Variants in CRYL1 observed in about 807,000 individuals in gnomAD.
The protein encoded by CRYL1 is lambda-crystallin homolog.
A neutral mutation model predicts 36.6 loss-of-function variants in CRYL1; 29 were observed. That is an observed-to-expected ratio of 0.79 (90% CI 0.59 to 1.08). The LOEUF is 1.08. CRYL1 is among the 50% of genes least tolerant of loss of function. CRYL1 has a pLI of 0.00. For missense variants in CRYL1, 411 were observed against 407.9 expected (o/e 1.01, Z -0.06); for synonymous variants, 152 against 151.5 (o/e 1.00, Z -0.02).
In CRYL1 at chr13:20,415,184, G is replaced by A. The variant is rs1303548581; in HGVS notation, c.634-1797C>T. Reference sequence around the variant, plus strand: ...GGTAGAGCCTGTCTTTGCCCAGAAGGCCGTCTCCAAGCTGGGGGCTTGCTC... The same window carrying A: ...GGTAGAGCCTGTCTTTGCCCAGAAGACCGTCTCCAAGCTGGGGGCTTGCTC... On this transcript the variant is annotated intron_variant, in intron 5 of 7. Transcript: ENST00000298248. This position sits in a 1 kb window ranked among gnomAD's most constrained non-coding sequence, Gnocchi z 4.1. Among the ~76,000 whole-genome samples the A allele has an allele frequency of 6.6e-6, 1 of 152,156 alleles. No homozygotes were observed. The highest frequency in any genetic ancestry group is 1.5e-5 in the Non-Finnish European group (1 of 68,014).
chr13:20,439,895 C>G, intron 3 of CRYL1, 141 bp from the exon 4 acceptor site: 1 of 760,648 alleles, frequency 1.3e-6, no homozygotes, highest in Non-Finnish European at 2.1e-6. Flanking sequence ...AATATGGCAA[C>G]TTGGCATCTG....
chr13:20,470,927 C>A (rs59360929), intron 3 of CRYL1, among the ~76,000 whole-genome samples: 13,017 of 111,364 alleles, frequency 0.12, 2,116 homozygotes, highest in African/African-American at 0.39. Flanking sequence ...AAAAAAAAAA[C>A]AAAAAAAAAA....
At position 20,509,297 on chromosome 13, in the gene CRYL1, GT is replaced by G. The variant is rs1014386831; in HGVS notation, c.149+3145del. Reference sequence around the variant, plus strand: ...TTTTAGAATTAGTGCTCTATCAAGGGTTTTTTTTTTCTTTCTCCTGACTATA... The same window carrying G: ...TTTTAGAATTAGTGCTCTATCAAGGGTTTTTTTTTCTTTCTCCTGACTATA... On this transcript the variant is annotated intron_variant, in intron 2 of 7. Coordinates refer to ENST00000298248, the MANE Select transcript of CRYL1 (RefSeq NM_015974.3). 4.1e-5 allele frequency among the ~76,000 whole-genome samples: 6 copies of G among 145,606 alleles called. No homozygotes were observed. In the East Asian group the frequency reaches 6.0e-4, roughly 14 times the overall value.
rs982193268 is a variant in CRYL1 at position 20,425,771 on chromosome 13, G to A, written c.633+6331C>T. On this transcript the variant is annotated intron_variant, in intron 5 of 7. Coordinates refer to ENST00000298248, the MANE Select transcript of CRYL1 (RefSeq NM_015974.3). This position sits in a 1 kb window ranked among gnomAD's most constrained non-coding sequence, Gnocchi z 4.4. ...GTGTAACCTCCCAGTCTGCCAAGGA[G>A]CTTCTAATTTACATTCTAATTTCAG... is the stretch of plus-strand genomic sequence containing the variant. 1.3e-5 allele frequency among the ~76,000 whole-genome samples: 2 copies of A among 152,162 alleles called. No homozygotes were observed. The highest frequency in any genetic ancestry group is 6.5e-5 in the Admixed American group (1 of 15,276).
intron 4 of CRYL1, among the ~76,000 whole-genome samples, chr13:20,433,339 T>G (rs760845062): frequency 3.9e-5 from 6 of 152,268 alleles, no homozygotes; most frequent in Non-Finnish European, 7.3e-5. Context: ...AGAACCTGAC[T>G]GGCCTGAGCA....
At chr13:20,491,632 A>G (rs1019043583) in intron 2 of CRYL1, among the ~76,000 whole-genome samples, 1 of 152,152 alleles carries the variant, frequency 6.6e-6, no homozygotes, top group Non-Finnish European at 1.5e-5. Flanking sequence ...CTCTACAAAA[A>G]ATACAAAAAC....
chr13:20,470,304 T>A (rs984230423), intron 3 of CRYL1, among the ~76,000 whole-genome samples: 1 of 152,108 alleles, frequency 6.6e-6, no homozygotes, highest in Admixed American at 6.5e-5. Flanking sequence ...TCACAGTGCA[T>A]AGAATGTGCT....
At chr13:20,406,942 A>G (rs981963938) in intron 6 of CRYL1, among the ~76,000 whole-genome samples, 14 of 151,630 alleles carry the variant, frequency 9.2e-5, no homozygotes, top group African/African-American at 2.9e-4. Flanking sequence ...AACATGTCAC[A>G]TTCTCTGAGC....
rs1208528323 is a variant in CRYL1 at position 20,525,288 on chromosome 13, C to T, written c.41+466G>A. ...CCTGCTGGGCTAGTCCTGTCTCCGT[C>T]ACTAAACGCCTGTGACCTTAGGTAA... is the stretch of plus-strand genomic sequence containing the variant. On this transcript the variant is annotated intron_variant, in intron 1 of 7. Coordinates refer to ENST00000298248, the MANE Select transcript of CRYL1 (RefSeq NM_015974.3). The surrounding 1 kb of genome is among the most constrained non-coding windows in gnomAD (Gnocchi z 4.3). Among the ~76,000 whole-genome samples, 4 of 152,226 alleles carry T rather than the reference C, an allele frequency of 2.6e-5. No homozygotes were observed. The highest frequency in any genetic ancestry group is 5.9e-5 in the Non-Finnish European group (4 of 68,046).
At chr13:20,506,811 C>A (rs1481948928) in intron 2 of CRYL1, among the ~76,000 whole-genome samples, 1 of 152,226 alleles carries the variant, frequency 6.6e-6, no homozygotes, top group Non-Finnish European at 1.5e-5. Context: ...CAGGCCAAAT[C>A]TGGCCCATCT....
chr13:20,471,301 G>A lies in CRYL1; in HGVS notation c.276+18069C>T, dbSNP rs148109074. Among the ~76,000 whole-genome samples, 480 of 152,126 alleles carry A rather than the reference G, an allele frequency of 3.2e-3. 1 individual carries two copies. Among genetic ancestry groups the A allele is most frequent in the Middle Eastern group, 6.8e-3 (2 of 292 alleles). On this transcript the variant is annotated intron_variant, in intron 3 of 7. Transcript: ENST00000298248. ...TATATGAAAAAGACAGGCCAGGCGC[G>A]GTGGCTCACGCCTGTAATCCCAGCA...
chr13:20,436,284 T>C (rs569313179), intron 4 of CRYL1, among the ~76,000 whole-genome samples: 1 of 152,250 alleles, frequency 6.6e-6, no homozygotes, highest in African/African-American at 2.4e-5. Context: ...ACCATCGCCT[T>C]CCCAGACTGA....
chr13:20,510,588 T>G (rs1169097117), intron 2 of CRYL1, among the ~76,000 whole-genome samples: 1 of 149,026 alleles, frequency 6.7e-6, no homozygotes, highest in Admixed American at 6.8e-5. Flanking sequence ...TCCAAATCCA[T>G]AGAGTGTAAA....
rs2034008104 is a variant in CRYL1, at chr13:20,516,859, C to T, written c.42-4309G>A. 2.0e-5 allele frequency among the ~76,000 whole-genome samples: 3 copies of T among 152,094 alleles called. No homozygotes were observed. In the South Asian group the frequency reaches 6.2e-4, roughly 32 times the overall value. ...GGCTGAGGCGGGAGGATAATTAGAACCCAGAAGTTCAAGAAGAGCCTGGGC... is the reference window on the plus strand; with the variant it reads ...GGCTGAGGCGGGAGGATAATTAGAATCCAGAAGTTCAAGAAGAGCCTGGGC... On this transcript the variant is annotated intron_variant, in intron 1 of 7. Coordinates refer to ENST00000298248, the MANE Select transcript of CRYL1 (RefSeq NM_015974.3).
chr13:20,418,531 T>C (rs1237913766), intron 5 of CRYL1: 2 of 152,220 alleles, frequency 1.3e-5, no homozygotes, highest in Non-Finnish European at 2.9e-5. Context: ...CACCGAACCA[T>C]CTTTCCTTCT....
intron 5 of CRYL1, chr13:20,431,524 T>C: frequency 1.0e-6 from 1 of 998,346 alleles, no homozygotes; most frequent in Non-Finnish European, 1.2e-6. Flanking sequence ...CTCATGCAAA[T>C]GTACACGAGA....
chr13:20,518,755 G>A (rs4769120), intron 1 of CRYL1, among the ~76,000 whole-genome samples: 27,239 of 152,068 alleles, frequency 0.18, 3,783 homozygotes, highest in African/African-American at 0.37. Flanking sequence ...GGACCAGGAC[G>A]GAGGCAGAGG....
intron 3 of CRYL1, among the ~76,000 whole-genome samples, chr13:20,468,119 T>TG (rs1473287003): frequency 6.6e-6 from 1 of 152,192 alleles, no homozygotes; most frequent in Non-Finnish European, 1.5e-5. Context: ...AACCCATCTC[T>TG]GGTGCCAAAA....
chr13:20,471,835 T>TTC (rs2033068621), intron 3 of CRYL1, among the ~76,000 whole-genome samples: 1 of 151,754 alleles, frequency 6.6e-6, no homozygotes, highest in Non-Finnish European at 1.5e-5. Context: ...CTCTCTCTTT[T>TTC]TCTCTCTCTC....
Sources: allele counts gnomAD v4.1 joint callset (sites outside exome capture counted in the v4.1 genomes callset), GRCh38; gene constraint gnomAD v4.1.1; non-coding constraint Gnocchi (gnomAD v3.1); transcripts MANE v1.5; gene names NCBI Gene and HGNC (gene_info 2026-07-23, HGNC 2026-07-21).